KHDRBS2: variants seen among roughly 807,000 people sequenced by gnomAD.
KHDRBS2 encodes the protein KH RNA binding domain containing, signal transduction associated 2.
A neutral mutation model predicts 44.3 loss-of-function variants in KHDRBS2; 26 were observed. That is an observed-to-expected ratio of 0.59 (90% CI 0.43 to 0.81). The LOEUF is 0.81. Among genes scored for constraint, KHDRBS2 ranks in the 40% least tolerant of loss-of-function variants. The probability of loss-of-function intolerance (pLI) is 0.00; values close to 1 mark genes in which losing one functional copy is unlikely to be tolerated. For synonymous variants in KHDRBS2, 194 were observed against 151.1 expected (o/e 1.28, Z -2.08); for missense variants, 476 against 433.1 (o/e 1.10, Z -0.88).
chr6:62,060,339 C>A (rs4421181), intron 2 of KHDRBS2, among the ~76,000 whole-genome samples: 90,119 of 151,398 alleles, frequency 0.6, 27,093 homozygotes, highest in Non-Finnish European at 0.62. Flanking sequence ...TTACATTTAA[C>A]GCTGACTTTA....
chr6:62,131,034 CATT>C (rs1810177459), intron 2 of KHDRBS2, among the ~76,000 whole-genome samples: 4 of 152,042 alleles, frequency 2.6e-5, no homozygotes, highest in South Asian at 2.1e-4. Flanking sequence ...ATATTATTAA[CATT>C]ATTATTTTAA....
rs373634184 is a variant in KHDRBS2, at chr6:61,766,935, T to C, written c.811-34171A>G. Among the ~76,000 whole-genome samples the C allele has an allele frequency of 1.1e-4, 16 of 152,290 alleles. No homozygotes were observed. The East Asian group carries it at 2.7e-3, about 26-fold the overall frequency. On this transcript the variant is annotated intron_variant, in intron 6 of 8. Transcript: ENST00000281156. ...GAGAAGAATGTGTATCCTGCAGCCA[T>C]TGAATGAAATGTTCTGTAAATACCT...
chr6:62,229,186 G>T lies in KHDRBS2; in HGVS notation c.92-51874C>A, dbSNP rs1416823466. ...TTATGCCCAGGGAGATCAGAGTTGG[G>T]TCCCTAAGCCCCTGGATGGAGTTGT... On this transcript the variant is annotated intron_variant, in intron 1 of 8. Coordinates refer to ENST00000281156, the MANE Select transcript of KHDRBS2 (RefSeq NM_152688.4). Among the ~76,000 whole-genome samples the T allele has an allele frequency of 3.3e-5, 5 of 152,090 alleles. No individual in the cohort carries two copies. In the East Asian group the frequency reaches 5.8e-4, roughly 18 times the overall value.
At chr6:61,706,221 C>T (rs1445516977) in intron 7 of KHDRBS2, among the ~76,000 whole-genome samples, 2 of 151,814 alleles carry the variant, frequency 1.3e-5, no homozygotes, top group African/African-American at 2.4e-5. Flanking sequence ...GACCCTCATG[C>T]GATCTTATGC....
At chr6:61,644,295 A>G in the KHDRBS2 span, among the ~76,000 whole-genome samples, 2 of 152,228 alleles carry the variant, frequency 1.3e-5, no homozygotes, top group Non-Finnish European at 2.9e-5. Flanking sequence ...CCATATTAAA[A>G]ATAATCAAGT....
At chr6:61,681,116 G>T in intron 8 of KHDRBS2, 56 bp from the exon 9 acceptor site, 2 of 1,189,100 alleles carry the variant, frequency 1.7e-6, no homozygotes, top group Non-Finnish European at 2.5e-6. Context: ...ACCAAAAATA[G>T]TCATTTAAGA....
chr6:61,717,515 C>A (rs1318724197), intron 7 of KHDRBS2, among the ~76,000 whole-genome samples: 5 of 151,974 alleles, frequency 3.3e-5, no homozygotes, highest in Non-Finnish European at 7.4e-5. Context: ...ATCCAATAAC[C>A]TTCTGTAAAT....
intron 2 of KHDRBS2, among the ~76,000 whole-genome samples, chr6:62,176,288 C>T (rs1399278300): frequency 6.6e-6 from 1 of 151,302 alleles, no homozygotes. Context: ...GCCCAAAATA[C>T]TTCATCTCAA....
chr6:61,696,833 A>G (rs891073307), intron 8 of KHDRBS2, among the ~76,000 whole-genome samples: 1 of 152,138 alleles, frequency 6.6e-6, no homozygotes, highest in Non-Finnish European at 1.5e-5. Flanking sequence ...AAGTTTGTAA[A>G]TATTTTAAAT....
intron 7 of KHDRBS2, among the ~76,000 whole-genome samples, chr6:61,715,446 A>AAG (rs1771240544): frequency 6.6e-6 from 1 of 151,876 alleles, no homozygotes; most frequent in Non-Finnish European, 1.5e-5. Flanking sequence ...CAACACTTTC[A>AAG]AATATCTGAT....
intron 2 of KHDRBS2, among the ~76,000 whole-genome samples, chr6:62,076,491 T>C (rs917538063): frequency 1.3e-5 from 2 of 151,900 alleles, no homozygotes; most frequent in African/African-American, 4.8e-5. Flanking sequence ...TGTAAATCAG[T>C]AGATAATGTT....
intron 1 of KHDRBS2, among the ~76,000 whole-genome samples, chr6:62,201,553 C>G (rs1436539577): frequency 6.6e-6 from 1 of 151,896 alleles, no homozygotes; most frequent in Non-Finnish European, 1.5e-5. Context: ...TGAAATCTAC[C>G]AAGTATATTA....
intron 6 of KHDRBS2, among the ~76,000 whole-genome samples, chr6:61,792,516 T>A (rs57124747): frequency 0.031 from 4,703 of 151,818 alleles, 265 homozygotes; most frequent in African/African-American, 0.11. Context: ...GGCTCTTATT[T>A]TGAAAACACT....
intron 2 of KHDRBS2, among the ~76,000 whole-genome samples, chr6:62,096,603 C>A (rs1433076293): frequency 2.0e-5 from 3 of 151,632 alleles, no homozygotes; most frequent in Non-Finnish European, 4.4e-5. Context: ...TTATCGGAGT[C>A]TTCTCATTTT....
chr6:62,072,180 C>A (rs1408980708), intron 2 of KHDRBS2, among the ~76,000 whole-genome samples: 2 of 152,028 alleles, frequency 1.3e-5, no homozygotes, highest in Non-Finnish European at 2.9e-5. Flanking sequence ...GTGATTTTTG[C>A]ACATTGATTT....
chr6:62,170,374 G>T (rs1251809652), intron 2 of KHDRBS2, among the ~76,000 whole-genome samples: 1 of 152,158 alleles, frequency 6.6e-6, no homozygotes, highest in South Asian at 2.1e-4. Context: ...CAGAAGAAAC[G>T]CAGGGATGGA....
At chr6:61,597,882 G>A in the KHDRBS2 span, among the ~76,000 whole-genome samples, 1 of 138,628 alleles carries the variant, frequency 7.2e-6, no homozygotes, top group Non-Finnish European at 1.6e-5. Flanking sequence ...GGGGAAATAG[G>A]ATCTAAAGGA....
chr6:62,273,999 G>A (rs1211795574), intron 1 of KHDRBS2, among the ~76,000 whole-genome samples: 11 of 151,922 alleles, frequency 7.2e-5, no homozygotes, highest in African/African-American at 1.5e-4. Context: ...GCAGTGGCGC[G>A]ATCTCAGCTC....
intron 3 of KHDRBS2, among the ~76,000 whole-genome samples, chr6:62,003,283 AAAAGT>A: frequency 6.6e-6 from 1 of 152,068 alleles, no homozygotes; most frequent in Non-Finnish European, 1.5e-5. Context: ...TGTCTTTCAA[AAAAGT>A]AAAGTAAAAT....
Sources: gnomAD v4.1 joint callset for allele counts (sites outside exome capture counted in the v4.1 genomes callset) on GRCh38, gnomAD v4.1.1 for gene constraint, MANE v1.5 for transcripts, NCBI Gene and HGNC (gene_info 2026-07-23, HGNC 2026-07-21) for gene names.